HPSE2: variants seen among roughly 807,000 people sequenced by gnomAD.
The protein encoded by HPSE2 is inactive heparanase-2.
A neutral mutation model predicts 60.5 loss-of-function variants in HPSE2; 38 were observed. The observed-to-expected ratio is 0.63, with a 90% CI of 0.48 to 0.82. The LOEUF (loss-of-function observed/expected upper bound fraction) is 0.82, where lower values mean the gene tolerates loss of function less well. Among genes scored for constraint, HPSE2 ranks in the 40% least tolerant of loss-of-function variants. HPSE2 has a pLI of 0.00. For synonymous variants in HPSE2, 295 were observed against 293.2 expected (o/e 1.01, Z -0.06); for missense variants, 713 against 740.4 (o/e 0.96, Z 0.43).
At chr10:99,182,080 T>C (rs1167558896) in intron 2 of HPSE2, among the ~76,000 whole-genome samples, 1 of 152,222 alleles carries the variant, frequency 6.6e-6, no homozygotes, top group Non-Finnish European at 1.5e-5. Context: ...TAACTTTCTG[T>C]TGTGATTAAT....
At chr10:98,907,266 G>A (rs146268599) in intron 3 of HPSE2, among the ~76,000 whole-genome samples, 4 of 152,204 alleles carry the variant, frequency 2.6e-5, no homozygotes, top group East Asian at 3.9e-4. Flanking sequence ...GTTGCTATCC[G>A]TGTCAAATAT....
chr10:98,809,587 C>T (rs1425352263), intron 3 of HPSE2, among the ~76,000 whole-genome samples: 1 of 152,084 alleles, frequency 6.6e-6, no homozygotes, highest in Non-Finnish European at 1.5e-5. Flanking sequence ...ACCAAACTAA[C>T]AGCTAACCCT....
chr10:98,964,021 G>A (rs992708758), intron 3 of HPSE2, among the ~76,000 whole-genome samples: 6 of 152,086 alleles, frequency 3.9e-5, no homozygotes, highest in Admixed American at 6.6e-5. Flanking sequence ...AAATAGTTGC[G>A]TGTTTACACA....
intron 9 of HPSE2, among the ~76,000 whole-genome samples, chr10:98,562,054 G>C (rs1476352612): frequency 6.8e-6 from 1 of 147,322 alleles, no homozygotes; most frequent in Non-Finnish European, 1.5e-5. Context: ...GCTCTATACA[G>C]GTGTACCATT....
chr10:98,500,281 T>C (rs751067285), intron 9 of HPSE2, among the ~76,000 whole-genome samples: 3 of 152,092 alleles, frequency 2.0e-5, no homozygotes, highest in Non-Finnish European at 4.4e-5. Context: ...GGCCATAAAA[T>C]GAATCTCAAT....
At chr10:98,823,881 C>T (rs1951481213) in intron 3 of HPSE2, among the ~76,000 whole-genome samples, 1 of 152,060 alleles carries the variant, frequency 6.6e-6, no homozygotes, top group South Asian at 2.1e-4. Context: ...ACAAACGTCA[C>T]CTAATATTTA....
rs556931287 is a variant in HPSE2, at chr10:98,941,557, C to T, written c.611-197501G>A. Among the ~76,000 whole-genome samples the T allele has an allele frequency of 4.2e-5, 6 of 142,210 alleles. 2 individuals carry two copies. Among genetic ancestry groups the T allele is most frequent in the African/African-American group, 1.7e-4 (6 of 34,474 alleles). The allele number at this position is 142,210 out of a possible 152,430, so 93.3% of individuals were successfully genotyped here. On this transcript the variant is annotated intron_variant, in intron 3 of 11. Coordinates refer to ENST00000370552, the MANE Select transcript of HPSE2 (RefSeq NM_021828.5). ...GGACCTCTTCAAGGAGAACTACAAA[C>T]CACTGCTCAATGAAATAAAAGAGGA...
chr10:99,279,918 C>T, the HPSE2 span, among the ~76,000 whole-genome samples: 2 of 152,332 alleles, frequency 1.3e-5, no homozygotes, highest in South Asian at 4.1e-4. Flanking sequence ...CACACTGGCA[C>T]ATATTTTTAA....
chr10:99,093,503 G>A (rs1296277350), intron 3 of HPSE2, among the ~76,000 whole-genome samples: 5 of 152,180 alleles, frequency 3.3e-5, no homozygotes, highest in Non-Finnish European at 5.9e-5. Context: ...GGGAAATTTA[G>A]TAGCTCGTAG....
At chr10:99,097,512 T>C (rs533322990) in intron 3 of HPSE2, among the ~76,000 whole-genome samples, 1 of 152,340 alleles carries the variant, frequency 6.6e-6, no homozygotes, top group South Asian at 2.1e-4. Flanking sequence ...ATTCTCTTTT[T>C]AAAATTTAAG....
intron 2 of HPSE2, among the ~76,000 whole-genome samples, chr10:99,164,049 C>T (rs988865542): frequency 1.3e-5 from 2 of 151,386 alleles, no homozygotes; most frequent in African/African-American, 4.9e-5. Context: ...TATGCAATAG[C>T]ACATTATTCT....
At chr10:98,838,585 T>A (rs1357624237) in intron 3 of HPSE2, among the ~76,000 whole-genome samples, 1 of 151,642 alleles carries the variant, frequency 6.6e-6, no homozygotes, top group African/African-American at 2.4e-5. Context: ...CCACCATGCC[T>A]GGCTAATTTT....
At chr10:98,863,953 G>A (rs548882650) in intron 3 of HPSE2, among the ~76,000 whole-genome samples, 6 of 147,432 alleles carry the variant, frequency 4.1e-5, no homozygotes, top group Middle Eastern at 3.5e-3. Flanking sequence ...TACTATATAC[G>A]TATATGAATA....
intron 2 of HPSE2, among the ~76,000 whole-genome samples, chr10:99,154,810 A>G (rs1191144748): frequency 1.3e-5 from 2 of 152,036 alleles, no homozygotes; most frequent in African/African-American, 2.4e-5. Flanking sequence ...AGACTGGCAA[A>G]TTGGATAAAG....
intron 3 of HPSE2, among the ~76,000 whole-genome samples, chr10:98,890,588 T>C (rs1953306489): frequency 6.6e-6 from 1 of 152,176 alleles, no homozygotes; most frequent in South Asian, 2.1e-4. Context: ...TTTTCAAGAT[T>C]AGCATGGTAT....
intron 3 of HPSE2, among the ~76,000 whole-genome samples, chr10:99,035,249 T>C (rs1957584317): frequency 2.0e-5 from 3 of 152,240 alleles, no homozygotes; most frequent in Admixed American, 1.3e-4. Context: ...TAAATCCTTA[T>C]TCTATAAACG....
At chr10:99,184,815 TATATAGAGAGAGAGAGAGAGAGAGAGAG>T (rs1477997470) in intron 2 of HPSE2, among the ~76,000 whole-genome samples, 1 of 28,644 alleles carries the variant, frequency 3.5e-5, no homozygotes, top group Admixed American at 4.3e-4. Context: ...TATATATATA[TATATAGAGAGAGAGAGAGAGAGAGAGAG>T]AGAGAGAGAG....
chr10:98,927,014 A>G (rs1954487363), intron 3 of HPSE2, among the ~76,000 whole-genome samples: 1 of 152,118 alleles, frequency 6.6e-6, no homozygotes, highest in Non-Finnish European at 1.5e-5. Flanking sequence ...TTTGCTGAGG[A>G]GAGCTTTACT....
chr10:98,734,437 C>G (rs1354275608), intron 4 of HPSE2, among the ~76,000 whole-genome samples: 1 of 152,128 alleles, frequency 6.6e-6, no homozygotes, highest in Non-Finnish European at 1.5e-5. Flanking sequence ...GGACTATTTT[C>G]CAAAGTGGCT....
Sources: allele counts gnomAD v4.1 joint callset (sites outside exome capture counted in the v4.1 genomes callset), GRCh38; gene constraint gnomAD v4.1.1; transcripts MANE v1.5; gene names NCBI Gene and HGNC (gene_info 2026-07-23, HGNC 2026-07-21).